The following MYRIP variants were observed in gnomAD, a reference collection of about 807,000 sequenced individuals.
MYRIP encodes myosin VIIA and Rab interacting protein.
A neutral mutation model predicts 98.0 loss-of-function variants in MYRIP; 49 were observed. The ratio of observed to expected loss-of-function variants is 0.50; its 90% confidence interval spans 0.40 to 0.63. The LOEUF is 0.63. Ranked by LOEUF, MYRIP falls within the 30% of genes least tolerant of loss-of-function variation. MYRIP has a pLI of 0.00. For missense variants in MYRIP, 1,004 were observed against 1,058.2 expected (o/e 0.95, Z 0.71); for synonymous variants, 404 against 409.5 (o/e 0.99, Z 0.16).
rs549081152 is a variant in MYRIP at position 39,958,540 on chromosome 3, A to G, written c.110+57614A>G. On this transcript the variant is annotated intron_variant, in intron 2 of 16. Transcript: ENST00000302541. ...TACAAAAATTAACTCAAGATGGATT[A>G]AAGACTTAAATGTTAGACCTAAATC... 1.7e-3 allele frequency among the ~76,000 whole-genome samples: 257 copies of G among 152,352 alleles called. 2 individuals are homozygous for G. Among genetic ancestry groups the G allele is most frequent in the African/African-American group, 6.1e-3 (252 of 41,584 alleles).
At chr3:40,188,237 A>C (rs1951090333) in intron 9 of MYRIP, among the ~76,000 whole-genome samples, 1 of 152,160 alleles carries the variant, frequency 6.6e-6, no homozygotes, top group African/African-American at 2.4e-5. Context: ...AGCACTGTGA[A>C]ATACTGATAA....
intron 2 of MYRIP, among the ~76,000 whole-genome samples, chr3:40,017,713 T>C (rs1332149310): frequency 6.8e-6 from 1 of 147,492 alleles, no homozygotes; most frequent in Non-Finnish European, 1.5e-5. Flanking sequence ...TTTTTTTTTT[T>C]TGTCTGAAGG....
intron 1 of MYRIP, among the ~76,000 whole-genome samples, chr3:39,817,313 A>G (rs914996274): frequency 3.9e-5 from 6 of 152,326 alleles, no homozygotes; most frequent in African/African-American, 1.4e-4. Flanking sequence ...GGTCCTTTTG[A>G]TGCCCATCCT....
At chr3:40,246,706 C>T (rs565595180) in intron 13 of MYRIP, among the ~76,000 whole-genome samples, 1 of 152,220 alleles carries the variant, frequency 6.6e-6, no homozygotes, top group South Asian at 2.1e-4. Context: ...TCCCTTTTGG[C>T]ATAGTGAATT....
intron 11 of MYRIP, among the ~76,000 whole-genome samples, chr3:40,229,430 T>G (rs961990821): frequency 6.6e-6 from 1 of 152,204 alleles, no homozygotes; most frequent in Non-Finnish European, 1.5e-5. Flanking sequence ...CTGGGACCAC[T>G]GAAATGGCCA....
At chr3:40,003,370 C>G (rs1333279907) in intron 2 of MYRIP, among the ~76,000 whole-genome samples, 1 of 152,080 alleles carries the variant, frequency 6.6e-6, no homozygotes, top group Non-Finnish European at 1.5e-5. Context: ...TGAAGAAGAC[C>G]CCCTTTGGGG....
intron 1 of MYRIP, among the ~76,000 whole-genome samples, chr3:39,898,464 C>G (rs1373040708): frequency 3.3e-5 from 5 of 152,024 alleles, no homozygotes; most frequent in Non-Finnish European, 7.4e-5. Flanking sequence ...TAAATAGCAA[C>G]CATGCTTGGG....
chr3:40,143,397 G>A (rs932113684), intron 3 of MYRIP, among the ~76,000 whole-genome samples: 8 of 152,126 alleles, frequency 5.3e-5, no homozygotes, highest in South Asian at 2.1e-4. Flanking sequence ...CAGTCCACCC[G>A]GGGTGCTGGG....
intron 4 of MYRIP, among the ~76,000 whole-genome samples, chr3:40,158,508 A>T (rs932971877): frequency 1.3e-5 from 2 of 152,052 alleles, no homozygotes; most frequent in African/African-American, 4.8e-5. Context: ...GATGTCTATT[A>T]GGTGTGCTTG....
Position 39,985,022 on chromosome 3 carries a change from CTTCTT to C in MYRIP, c.111-59025_111-59021del, listed in dbSNP as rs1241985251. Among the ~76,000 whole-genome samples the C allele has an allele frequency of 5.4e-5, 8 of 148,010 alleles. No individual in the cohort carries two copies. The East Asian group carries it at 1.6e-3, about 29-fold the overall frequency. On this transcript the variant is annotated intron_variant, in intron 2 of 16. Transcript: ENST00000302541. ...ATGTGTTTTTTGGCTGCATAAATGT[CTTCTT>C]TTGAGAAGTGTCTGTTCATGTCCTT...
intron 2 of MYRIP, among the ~76,000 whole-genome samples, chr3:39,913,050 A>G (rs571258627): frequency 4.0e-5 from 6 of 150,970 alleles, no homozygotes; most frequent in South Asian, 2.1e-4. Flanking sequence ...AAAAAAAATT[A>G]TTTACTGTGA....
intron 3 of MYRIP, among the ~76,000 whole-genome samples, chr3:40,143,683 G>A (rs1417630145): frequency 6.6e-6 from 1 of 152,068 alleles, no homozygotes; most frequent in Non-Finnish European, 1.5e-5. Flanking sequence ...CAATAATTGT[G>A]TATATTTATG....
At chr3:40,233,063 T>C (rs1952708421) in intron 11 of MYRIP, 1 of 152,164 alleles carries the variant, frequency 6.6e-6, no homozygotes, top group Non-Finnish European at 1.5e-5. Context: ...TGCAAGTCTA[T>C]GTTTAAGGCA....
intron 1 of MYRIP, among the ~76,000 whole-genome samples, chr3:39,890,170 GT>G (rs1229219173): frequency 8.6e-5 from 13 of 150,696 alleles, no homozygotes; most frequent in Middle Eastern, 3.4e-3. Context: ...TTTTAAACTC[GT>G]TTTTTTTCCC....
rs1479634462 is a variant in MYRIP at position 40,250,273 on chromosome 3, A to G, written c.2314A>G (p.Ile772Val). Residue 772 changes from isoleucine (I) to valine (V), a missense_variant, in exon 14 of 17, where the codon ATA (isoleucine) becomes GTA (valine). Ile to Val is a conservative substitution (Grantham distance 29, BLOSUM62 3). This residue lies in a region of MYRIP where 108 missense variants were observed against 111.1 expected (regional missense o/e 0.97). Transcript: ENST00000302541. ...AGCCCTGACCATTGCAGGATTAAAC[A>G]TAGCACCATGTGTGCGCTTCACAAG... The part of the protein sequence containing the change: ...ISALTIAGLN[I>V]APCVRFTRRR... 6.2e-7 allele frequency: 1 copy of G among 1,614,204 alleles called. No homozygotes were observed.
intron 2 of MYRIP, among the ~76,000 whole-genome samples, chr3:40,041,545 A>G (rs1947532776): frequency 6.6e-6 from 1 of 150,700 alleles, no homozygotes; most frequent in Non-Finnish European, 1.5e-5. Context: ...AATAGCCTGT[A>G]TTCTTCAAAA....
intron 11 of MYRIP, among the ~76,000 whole-genome samples, chr3:40,216,320 C>A (rs1364416601): frequency 1.3e-5 from 2 of 152,124 alleles, no homozygotes; most frequent in Non-Finnish European, 2.9e-5. Context: ...ACTCTCACCC[C>A]ACAGAAGCCC....
chr3:39,971,091 C>A (rs368308100), intron 2 of MYRIP, among the ~76,000 whole-genome samples: 3 of 152,094 alleles, frequency 2.0e-5, no homozygotes, highest in African/African-American at 7.2e-5. Flanking sequence ...AGTGACAAAA[C>A]AAAGTACTTT....
chr3:39,999,225 A>G (rs1290227584), intron 2 of MYRIP, among the ~76,000 whole-genome samples: 3 of 152,236 alleles, frequency 2.0e-5, no homozygotes, highest in African/African-American at 7.2e-5. Context: ...AGAAACTACC[A>G]TCAGAGTGAA....
Sources: gnomAD v4.1 joint callset for allele counts (sites outside exome capture counted in the v4.1 genomes callset) on GRCh38, gnomAD v4.1.1 for gene constraint, gnomAD v4.1.1 regional missense constraint, MANE v1.5 for transcripts, NCBI Gene and HGNC (gene_info 2026-07-23, HGNC 2026-07-21) for gene names.